The following KIZ variants were observed in gnomAD, a reference collection of about 807,000 sequenced individuals.
The protein encoded by KIZ is centrosomal protein kizuna.
KIZ carries 68 observed loss-of-function variants against 79.6 expected under a neutral mutation model. That is an observed-to-expected ratio of 0.85 (90% CI 0.70 to 1.05). The LOEUF (loss-of-function observed/expected upper bound fraction) is 1.05, where lower values mean the gene tolerates loss of function less well. KIZ is among the 50% of genes least tolerant of loss of function. The pLI, the probability that KIZ is intolerant of heterozygous loss-of-function variation, is 0.00. For synonymous variants in KIZ, 280 were observed against 281.8 expected (o/e 0.99, Z 0.06); for missense variants, 797 against 800.4 (o/e 1.00, Z 0.05).
chr20:21,228,132 C>T (rs1252504655), intron 9 of KIZ, among the ~76,000 whole-genome samples: 2 of 152,098 alleles, frequency 1.3e-5, no homozygotes, highest in Admixed American at 1.3e-4. Flanking sequence ...CCAGCAAAAG[C>T]AGGAATCCAA....
At chr20:21,213,369 T>C (rs2036152991) in intron 7 of KIZ, among the ~76,000 whole-genome samples, 2 of 152,254 alleles carry the variant, frequency 1.3e-5, no homozygotes, top group African/African-American at 4.8e-5. Context: ...GGTTGTTTTT[T>C]CCACCTTGTT....
In KIZ at chr20:21,240,438, C is replaced by T. The variant is rs141031177; in HGVS notation, c.1881-3807C>T. 3.0e-3 allele frequency among the ~76,000 whole-genome samples: 459 copies of T among 152,298 alleles called. 2 individuals are homozygous for T. Among genetic ancestry groups the T allele is most frequent in the African/African-American group, 0.011 (451 of 41,568 alleles). On this transcript the variant is annotated intron_variant, in intron 11 of 12. Coordinates refer to ENST00000619189, the MANE Select transcript of KIZ (RefSeq NM_018474.6). ...GCCGATTGTCCCATTCAAATGAGAC[C>T]GGCGGAACATGGTTATATTTTAATT...
chr20:21,194,335 C>T (rs1437487859), intron 6 of KIZ: 2 of 152,094 alleles, frequency 1.3e-5, no homozygotes, highest in Non-Finnish European at 2.9e-5. Context: ...CAGGCCAGTG[C>T]CCTTCTAGCT....
rs1600451490 is a variant in KIZ at position 21,173,302 on chromosome 20, G to A, written c.1352+10143G>A. ...ATAAAAGAACCAGCTGGAGGGCTGGGTGTGGTGGCTCATGCCTGTAATCCC... is the reference window on the plus strand; with the variant it reads ...ATAAAAGAACCAGCTGGAGGGCTGGATGTGGTGGCTCATGCCTGTAATCCC... On this transcript the variant is annotated intron_variant, in intron 6 of 12. Coordinates refer to ENST00000619189, the MANE Select transcript of KIZ (RefSeq NM_018474.6). Among the ~76,000 whole-genome samples, 3 of 152,234 alleles carry A rather than the reference G, an allele frequency of 2.0e-5. No homozygotes were observed. The Middle Eastern group carries it at 0.01, about 518-fold the overall frequency.
At chr20:21,238,173 G>C (rs901174785) in intron 11 of KIZ, among the ~76,000 whole-genome samples, 3 of 151,726 alleles carry the variant, frequency 2.0e-5, no homozygotes, top group African/African-American at 7.3e-5. Flanking sequence ...TGTGCTTCCT[G>C]AGTGAGTAAG....
At chr20:21,244,080 C>T (rs1249073703) in intron 11 of KIZ, among the ~76,000 whole-genome samples, 165 bp from the exon 12 acceptor site, 1 of 152,192 alleles carries the variant, frequency 6.6e-6, no homozygotes, top group African/African-American at 2.4e-5. Context: ...GACAAGGCCA[C>T]GCTGCATCCC....
At chr20:21,187,068 A>G (rs1472281410) in intron 6 of KIZ, among the ~76,000 whole-genome samples, 1 of 152,190 alleles carries the variant, frequency 6.6e-6, no homozygotes, top group Non-Finnish European at 1.5e-5. Flanking sequence ...TTATTGGAGC[A>G]TTTCAGATTT....
intron 9 of KIZ, among the ~76,000 whole-genome samples, chr20:21,219,644 G>A (rs1024302276): frequency 2.6e-5 from 4 of 152,296 alleles, no homozygotes; most frequent in Admixed American, 2.0e-4. Flanking sequence ...GAGCATTGTG[G>A]AAGGAATTAT....
intron 2 of KIZ, among the ~76,000 whole-genome samples, chr20:21,134,256 A>G (rs1226163762): frequency 6.6e-6 from 1 of 152,202 alleles, no homozygotes; most frequent in Non-Finnish European, 1.5e-5. Flanking sequence ...CCTCTCCCTA[A>G]GATTCGACAC....
At chr20:21,241,421 C>T (rs1349713045) in intron 11 of KIZ, among the ~76,000 whole-genome samples, 2 of 152,220 alleles carry the variant, frequency 1.3e-5, no homozygotes, top group South Asian at 2.1e-4. Context: ...GTAGGCCACG[C>T]ACCACGCACA....
chr20:21,225,034 A>G (rs2036615817), intron 9 of KIZ, among the ~76,000 whole-genome samples: 1 of 152,326 alleles, frequency 6.6e-6, no homozygotes. Context: ...TTGCAGAAAG[A>G]TAGATGATTG....
chr20:21,143,790 C>T (rs2032700316), intron 3 of KIZ, among the ~76,000 whole-genome samples: 1 of 152,178 alleles, frequency 6.6e-6, no homozygotes, highest in African/African-American at 2.4e-5. Flanking sequence ...CATGAGTAGG[C>T]TCTGGAGAGC....
chr20:21,126,777 C>T (rs2031503494), intron 1 of KIZ, among the ~76,000 whole-genome samples: 1 of 152,112 alleles, frequency 6.6e-6, no homozygotes, highest in Admixed American at 6.5e-5. Context: ...CCAGAGGGTT[C>T]ATGATGCCTT....
At chr20:21,176,579 A>AT (rs966423782) in intron 6 of KIZ, among the ~76,000 whole-genome samples, 13 of 152,092 alleles carry the variant, frequency 8.5e-5, no homozygotes, top group African/African-American at 3.1e-4. Flanking sequence ...CAAAAAAAAA[A>AT]AAAAAATACA....
intron 7 of KIZ, among the ~76,000 whole-genome samples, chr20:21,209,949 A>T (rs1465583643): frequency 1.3e-5 from 2 of 152,200 alleles, no homozygotes; most frequent in Non-Finnish European, 2.9e-5. Flanking sequence ...AAGCATTAAA[A>T]ATCTTGAAAT....
chr20:21,212,428 G>A (rs1272575004), intron 7 of KIZ, among the ~76,000 whole-genome samples: 1 of 152,136 alleles, frequency 6.6e-6, no homozygotes, highest in Non-Finnish European at 1.5e-5. Flanking sequence ...TAAATTACAT[G>A]TGAAAATCAA....
At chr20:21,164,658 C>G (rs995230682) in intron 6 of KIZ, among the ~76,000 whole-genome samples, 2 of 151,536 alleles carry the variant, frequency 1.3e-5, no homozygotes, top group African/African-American at 4.9e-5. Flanking sequence ...GTATGAATTC[C>G]TACTAAACAT....
intron 6 of KIZ, among the ~76,000 whole-genome samples, chr20:21,181,462 G>A (rs1018818567): frequency 7.0e-6 from 1 of 142,980 alleles, no homozygotes; most frequent in African/African-American, 2.6e-5. Flanking sequence ...ATCTATCCAA[G>A]TTTTTTTTTT....
chr20:21,221,897 C>T (rs963936680), intron 9 of KIZ, among the ~76,000 whole-genome samples: 4 of 141,824 alleles, frequency 2.8e-5, no homozygotes, highest in African/African-American at 8.0e-5. Context: ...GAGGTTTTAC[C>T]GAGAATGTGC....
Sources: allele counts gnomAD v4.1 joint callset (sites outside exome capture counted in the v4.1 genomes callset), GRCh38; gene constraint gnomAD v4.1.1; transcripts MANE v1.5; gene names NCBI Gene and HGNC (gene_info 2026-07-23, HGNC 2026-07-21).